Variants in ZFHX3 observed in about 807,000 individuals in gnomAD.
ZFHX3 encodes zinc finger homeobox protein 3.
In ZFHX3, 42 loss-of-function variants were observed where a neutral mutation model predicts 279.1. The ratio of observed to expected loss-of-function variants is 0.15; its 90% confidence interval spans 0.12 to 0.19. The LOEUF is 0.19. Among genes scored for constraint, ZFHX3 ranks in the 10% least tolerant of loss-of-function variants. The probability of loss-of-function intolerance (pLI) is 1.00; values close to 1 mark genes in which losing one functional copy is unlikely to be tolerated. For missense variants in ZFHX3, 4,981 were observed against 4,754.0 expected (o/e 1.05, Z -1.40); for synonymous variants, 2,293 against 1,957.8 (o/e 1.17, Z -4.52).
rs201843298 is a variant in ZFHX3 at position 73,865,288 on chromosome 16, T to TA, written c.-1608+26362dup. Among the ~76,000 whole-genome samples the TA allele has an allele frequency of 5.9e-5, 9 of 152,050 alleles. No homozygotes were observed. In the South Asian group the frequency reaches 8.3e-4, roughly 14 times the overall value. ...ATGCAATTGGGATCTGAAAATAAGT[T>TA]AAAAAAATGAAAGGCCTGGAATCTA... is the stretch of plus-strand genomic sequence containing the variant. On this transcript the variant is annotated intron_variant, in intron 1 of 17. Coordinates refer to the ZFHX3 transcript ENST00000641206.
chr16:73,340,972 G>A (rs189246328), intron 3 of ZFHX3, among the ~76,000 whole-genome samples: 55 of 152,262 alleles, frequency 3.6e-4, no homozygotes, highest in Middle Eastern at 6.8e-3. Context: ...CAAAAGATGC[G>A]TGACAAACAG....
intron 3 of ZFHX3, among the ~76,000 whole-genome samples, chr16:73,447,886 T>C (rs371673316): frequency 6.6e-6 from 1 of 152,150 alleles, no homozygotes; most frequent in South Asian, 2.1e-4. Flanking sequence ...TGAAAACAAC[T>C]TCATCATGCT....
intron 1 of ZFHX3, among the ~76,000 whole-genome samples, chr16:73,856,271 AC>A (rs1424880660): frequency 1.2e-4 from 18 of 152,206 alleles, no homozygotes; most frequent in Non-Finnish European, 1.9e-4. Flanking sequence ...TTTTAAAAAA[AC>A]GTTTTACACT....
chr16:73,104,377 C>T lies in ZFHX3; in HGVS notation c.-896-10779G>A, dbSNP rs576941036. On this transcript the variant is annotated intron_variant, in intron 7 of 17. Transcript: ENST00000641206. Reference sequence around the variant, plus strand: ...TCCCGAGTAGCTGGGATTACAGGTGCGCACCACCACGTCCAGCTAATTTTT... The same window carrying T: ...TCCCGAGTAGCTGGGATTACAGGTGTGCACCACCACGTCCAGCTAATTTTT... Among the ~76,000 whole-genome samples, 121 of 152,088 alleles carry T rather than the reference C, an allele frequency of 8.0e-4. 1 individual carries two copies. The Middle Eastern group carries it at 0.024, about 31-fold the overall frequency.
intron 1 of ZFHX3, among the ~76,000 whole-genome samples, chr16:73,770,129 G>A (rs2054001128): frequency 6.6e-6 from 1 of 152,224 alleles, no homozygotes; most frequent in South Asian, 2.1e-4. Context: ...CAGATGACCT[G>A]ATGATAGCGA....
At chr16:73,290,565 G>A (rs72797375) in intron 4 of ZFHX3, among the ~76,000 whole-genome samples, 10,877 of 152,250 alleles carry the variant, frequency 0.071, 505 homozygotes, top group South Asian at 0.21. Flanking sequence ...AAGGAATAGA[G>A]GTGGACAGGG....
At chr16:73,036,344 C>T (rs201806267) in intron 1 of ZFHX3, among the ~76,000 whole-genome samples, 1 of 152,198 alleles carries the variant, frequency 6.6e-6, no homozygotes, top group Non-Finnish European at 1.5e-5. Flanking sequence ...AAGGCCGGTC[C>T]AGAGGCACAC....
chr16:72,822,795 G>GTTTT (rs11365314), intron 5 of ZFHX3, among the ~76,000 whole-genome samples: 8 of 90,430 alleles, frequency 8.8e-5, no homozygotes, highest in South Asian at 4.1e-4. Flanking sequence ...TAGAAAGTGA[G>GTTTT]TTTTTTTTTT....
At chr16:72,864,972 G>T (rs1294722801) in intron 4 of ZFHX3, among the ~76,000 whole-genome samples, 1 of 152,208 alleles carries the variant, frequency 6.6e-6, no homozygotes. Context: ...TTCCAGCCAG[G>T]ATAGCCCAAA....
At chr16:73,371,046 G>A (rs1447685104) in intron 3 of ZFHX3, among the ~76,000 whole-genome samples, 1 of 151,962 alleles carries the variant, frequency 6.6e-6, no homozygotes, top group Non-Finnish European at 1.5e-5. Context: ...CATTGGCCAG[G>A]TGTGGTGGCT....
At chr16:73,313,972 A>C (rs910577084) in intron 4 of ZFHX3, among the ~76,000 whole-genome samples, 1 of 152,128 alleles carries the variant, frequency 6.6e-6, no homozygotes, top group Non-Finnish European at 1.5e-5. Context: ...GGTGGCACAC[A>C]CCTGTAGTCC....
intron 2 of ZFHX3, among the ~76,000 whole-genome samples, chr16:73,571,065 A>T (rs1221957564): frequency 7.1e-6 from 1 of 141,574 alleles, no homozygotes; most frequent in African/African-American, 3.0e-5. Flanking sequence ...TATAAAGAAT[A>T]ATTTTCTCTA....
At chr16:73,865,497 C>G (rs781679245) in intron 1 of ZFHX3, among the ~76,000 whole-genome samples, 2 of 152,186 alleles carry the variant, frequency 1.3e-5, no homozygotes, top group Non-Finnish European at 2.9e-5. Flanking sequence ...CTGAGATCCC[C>G]TAACCTCCCA....
At chr16:72,790,336 T>C (rs1253348061) in intron 9 of ZFHX3, 1 of 152,208 alleles carries the variant, frequency 6.6e-6, no homozygotes, top group Non-Finnish European at 1.5e-5. Flanking sequence ...CTTGATGGTA[T>C]ATACATCTCT....
At chr16:73,535,722 C>CTTTTTTTTTT (rs56867952) in intron 2 of ZFHX3, among the ~76,000 whole-genome samples, 1 of 139,004 alleles carries the variant, frequency 7.2e-6, no homozygotes, top group Non-Finnish European at 1.5e-5. Context: ...TGCCCCCTAT[C>CTTTTTTTTTT]TTTTTTTTTT....
intron 2 of ZFHX3, among the ~76,000 whole-genome samples, chr16:73,524,992 C>T (rs965423269): frequency 6.6e-6 from 1 of 152,158 alleles, no homozygotes. Context: ...GGACTGTCTC[C>T]AGGTTCGAGG....
At chr16:73,147,691 C>CAAAAAAAAAAA (rs56079754) in intron 5 of ZFHX3, among the ~76,000 whole-genome samples, 9 of 40,894 alleles carry the variant, frequency 2.2e-4, no homozygotes, top group African/African-American at 9.8e-4. Flanking sequence ...GACTCCGTCT[C>CAAAAAAAAAAA]AAAAAAAAAA....
chr16:73,232,748 C>G (rs2012816607), intron 5 of ZFHX3: 1 of 152,216 alleles, frequency 6.6e-6, no homozygotes, highest in African/African-American at 2.4e-5. Flanking sequence ...TGAGGTAAAA[C>G]ACGATTACTT....
At chr16:73,207,467 G>T (rs887108441) in intron 5 of ZFHX3, among the ~76,000 whole-genome samples, 2 of 152,042 alleles carry the variant, frequency 1.3e-5, no homozygotes, top group Non-Finnish European at 2.9e-5. Flanking sequence ...GTGACCAGTT[G>T]GTTCATTTGG....
Sources: gnomAD v4.1 joint callset for allele counts (sites outside exome capture counted in the v4.1 genomes callset) on GRCh38, gnomAD v4.1.1 for gene constraint, MANE v1.5 for transcripts, NCBI Gene and HGNC (gene_info 2026-07-23, HGNC 2026-07-21) for gene names.